The following TMEM18 variants were observed in gnomAD, a reference collection of about 807,000 sequenced individuals.
TMEM18 encodes the protein transmembrane protein 18.
TMEM18 carries 14 observed loss-of-function variants against 17.4 expected under a neutral mutation model. That is an observed-to-expected ratio of 0.80 (90% CI 0.53 to 1.25). The LOEUF (loss-of-function observed/expected upper bound fraction) is 1.25. Among genes scored for constraint, TMEM18 ranks in the 50% most tolerant of loss-of-function variants. The probability of loss-of-function intolerance (pLI) is 0.00; values close to 1 mark genes in which losing one functional copy is unlikely to be tolerated. For missense variants in TMEM18, 187 were observed against 172.1 expected (o/e 1.09, Z -0.48); for synonymous variants, 86 against 66.1 (o/e 1.30, Z -1.46).
chr2:676,134 G>A (rs1054303666), intron 1 of TMEM18: 3 of 1,324,808 alleles, frequency 2.3e-6, no homozygotes, highest in African/African-American at 3.0e-5. Context: ...TTGAGCCATC[G>A]CCACGTGCAA....
chr2:675,649 A>G lies in TMEM18; in HGVS notation c.58-19T>C. ...CCGTCTGCTGTAGGAACACACCAGC[A>G]GACACTCACTGTCCTGCCACTCAAG... On this transcript the variant is annotated intron_variant, in intron 1 of 4. Coordinates refer to ENST00000281017, the MANE Select transcript of TMEM18 (RefSeq NM_152834.4). The G allele has an allele frequency of 1.2e-6, 2 of 1,612,414 alleles. No individual in the cohort carries two copies. Among genetic ancestry groups the G allele is most frequent in the Non-Finnish European group, 1.7e-6 (2 of 1,179,770 alleles).
chr2:676,350 T>A (rs1003704492), intron 1 of TMEM18: 1 of 1,444,976 alleles, frequency 6.9e-7, no homozygotes, highest in Admixed American at 2.3e-5. Flanking sequence ...ACCCTCCCCA[T>A]CCCCTCCTTG....
intron 2 of TMEM18, among the ~76,000 whole-genome samples, chr2:674,704 A>G (rs1009025959): frequency 6.6e-6 from 1 of 152,242 alleles, no homozygotes. Context: ...CGCTTTGCAC[A>G]CAGCCAGCTA....
At chr2:670,678 G>C (rs563928937) in intron 3 of TMEM18, 10 of 153,014 alleles carry the variant, frequency 6.5e-5, no homozygotes, top group African/African-American at 2.4e-4. Context: ...CCAAGCATGT[G>C]GCGAGTGCTG....
chr2:677,258 C>G (rs1375886426), intron 1 of TMEM18, 31 bp downstream of exon 1: 1 of 1,602,604 alleles, frequency 6.2e-7, no homozygotes. Context: ...CGTCCTCCCC[C>G]GAACTGGTGG....
chr2:674,292 T>C (rs1352059808), intron 2 of TMEM18, among the ~76,000 whole-genome samples: 1 of 152,182 alleles, frequency 6.6e-6, no homozygotes, highest in African/African-American at 2.4e-5. Context: ...TCACCTTTCT[T>C]TGAGATGCCT....
At position 669,886 on chromosome 2, in the gene TMEM18, A is replaced by G. The variant is rs780588203; in HGVS notation, c.234-36T>C. On this transcript the variant is annotated intron_variant, in intron 3 of 4. Transcript: ENST00000281017. ...AACAAAAACAAAAAATTACTAGGCAATACAACCAAAAAGTTCTAGTGACAC... is the reference window on the plus strand; with the variant it reads ...AACAAAAACAAAAAATTACTAGGCAGTACAACCAAAAAGTTCTAGTGACAC... 10 of 1,535,738 alleles carry G rather than the reference A, an allele frequency of 6.5e-6. No individual in the cohort carries two copies. The East Asian group carries it at 2.3e-4, about 36-fold the overall frequency.
At chr2:676,033 GC>G in intron 1 of TMEM18, 1 of 1,313,956 alleles carries the variant, frequency 7.6e-7, no homozygotes, top group Non-Finnish European at 1.0e-6. Context: ...TAAGACGATT[GC>G]TCAAAGAGAT....
intron 1 of TMEM18, chr2:675,908 G>C: frequency 6.9e-7 from 1 of 1,451,770 alleles, no homozygotes; most frequent in Non-Finnish European, 9.1e-7. Context: ...AGGCATCTCT[G>C]ATGTGCTCCT....
At position 665,562 on chromosome 2, in the gene TMEM18, G is replaced by T. The variant is rs1204516914; in HGVS notation, c.*4018C>A. ...ACATAAACTAGAACCCAGAGATGCA[G>T]ATGCCCCACTCACTCAGAGAATCAA... On this transcript the variant is annotated 3_prime_UTR_variant, in exon 5 of 5. Transcript: ENST00000281017. Among the ~76,000 whole-genome samples the T allele has an allele frequency of 1.3e-5, 2 of 148,400 alleles. No homozygotes were observed. The highest frequency in any genetic ancestry group is 3.0e-5 in the Non-Finnish European group (2 of 67,668).
chr2:672,953 G>A, intron 2 of TMEM18, 91 bp from the exon 3 acceptor site: 4 of 1,193,096 alleles, frequency 3.4e-6, no homozygotes, highest in Non-Finnish European at 4.6e-6. Context: ...ATACTGAATA[G>A]AAATGTCACT....
At chr2:672,427 C>T (rs1172872301) in intron 3 of TMEM18, among the ~76,000 whole-genome samples, 4 of 152,194 alleles carry the variant, frequency 2.6e-5, no homozygotes, top group Admixed American at 6.5e-5. Flanking sequence ...AAGCCCCCTA[C>T]TCAGGTCCAG....
At chr2:675,799 G>A (rs1473777850) in intron 1 of TMEM18, 169 bp from the exon 2 acceptor site, 1 of 1,531,208 alleles carries the variant, frequency 6.5e-7, no homozygotes, top group South Asian at 1.2e-5. Flanking sequence ...AGAAACATGG[G>A]GACAGGAAAG....
chr2:676,831 G>T (rs976001202), intron 1 of TMEM18: 7 of 628,274 alleles, frequency 1.1e-5, no homozygotes, highest in Non-Finnish European at 1.9e-5. Flanking sequence ...CAAGACGCTG[G>T]ACTGGCCGGC....
chr2:669,485 G>A lies in TMEM18; in HGVS notation c.*95C>T, dbSNP rs1678779415. On this transcript the variant is annotated 3_prime_UTR_variant, in exon 5 of 5. Coordinates refer to ENST00000281017, the MANE Select transcript of TMEM18 (RefSeq NM_152834.4). ...AAAACAACGGTTTTTCAAACCATGAGTCAGCTGGAAGGATGCCCACGCCAC... is the reference window on the plus strand; with the variant it reads ...AAAACAACGGTTTTTCAAACCATGAATCAGCTGGAAGGATGCCCACGCCAC... The A allele has an allele frequency of 1.6e-6, 2 of 1,250,038 alleles. No individual in the cohort carries two copies. The highest frequency in any genetic ancestry group is 2.3e-6 in the Non-Finnish European group (2 of 875,290). The allele number at this position is 1,250,038 out of a possible 1,614,324, so 77.4% of individuals were successfully genotyped here.
chr2:673,614 T>C (rs1468448902), intron 2 of TMEM18, among the ~76,000 whole-genome samples: 1 of 151,952 alleles, frequency 6.6e-6, no homozygotes, highest in African/African-American at 2.4e-5. Flanking sequence ...TTGATACACA[T>C]CAGAAAGCAG....
At position 669,221 on chromosome 2, in the gene TMEM18, CTGTT is replaced by C. The variant is rs1399304040; in HGVS notation, c.*355_*358del. 2 of 193,786 alleles carry C rather than the reference CTGTT, an allele frequency of 1.0e-5. No homozygotes were observed. Among genetic ancestry groups the C allele is most frequent in the Non-Finnish European group, 2.1e-5 (2 of 94,938 alleles). 12.0% of individuals were successfully genotyped at this position (193,786 alleles called of 1,614,324 possible). Reference sequence around the variant, plus strand: ...GCATGGTGCCCATGTACAGGTGGCACTGTTTATTATTGAGTTTCATATTTTATAT... The same window carrying C: ...GCATGGTGCCCATGTACAGGTGGCACTATTATTGAGTTTCATATTTTATAT... On this transcript the variant is annotated 3_prime_UTR_variant, in exon 5 of 5. Coordinates refer to ENST00000281017, the MANE Select transcript of TMEM18 (RefSeq NM_152834.4).
At chr2:670,162 T>C (rs1014834096) in intron 3 of TMEM18, 1 of 305,654 alleles carries the variant, frequency 3.3e-6, no homozygotes, top group East Asian at 7.6e-5. Flanking sequence ...CAGCAGCACA[T>C]CTGACCTTAG....
Position 673,904 on chromosome 2 carries a change from A to C in TMEM18, c.179-1042T>G, listed in dbSNP as rs1304080722. 1.3e-4 allele frequency among the ~76,000 whole-genome samples: 16 copies of C among 123,918 alleles called. No individual in the cohort carries two copies. The Admixed American group carries it at 1.3e-3, about 10-fold the overall frequency. The allele number at this position is 123,918 out of a possible 152,430, so 81.3% of individuals were successfully genotyped here. On this transcript the variant is annotated intron_variant, in intron 2 of 4. Transcript: ENST00000281017. ...GTGGAGGGCTGACGTTACAGGGGGA[A>C]GGTGGGGAGGGTGGTAGGCACGGGA...
Sources: gnomAD v4.1 joint callset for allele counts (sites outside exome capture counted in the v4.1 genomes callset) on GRCh38, gnomAD v4.1.1 for gene constraint, MANE v1.5 for transcripts, NCBI Gene and HGNC (gene_info 2026-07-23, HGNC 2026-07-21) for gene names.